SAMSN1: variants seen among roughly 807,000 people sequenced by gnomAD.
SAMSN1 encodes SAM domain-containing protein SAMSN-1.
SAMSN1 carries 31 observed loss-of-function variants against 42.0 expected under a neutral mutation model. The ratio of observed to expected loss-of-function variants is 0.74; its 90% CI spans 0.55 to 1.00. SAMSN1 has a LOEUF of 1.00. Ranked by LOEUF, SAMSN1 falls within the 50% of genes least tolerant of loss-of-function variation. The pLI is 0.00. For synonymous variants in SAMSN1, 178 were observed against 151.9 expected (o/e 1.17, Z -1.26); for missense variants, 464 against 439.4 (o/e 1.06, Z -0.50).
chr21:14,526,386 T>C (rs1209612815), intron 1 of SAMSN1, among the ~76,000 whole-genome samples: 10 of 152,218 alleles, frequency 6.6e-5, no homozygotes, highest in Admixed American at 6.5e-4. Flanking sequence ...TTCCACACAG[T>C]CCACTTGGCT....
intron 2 of SAMSN1, among the ~76,000 whole-genome samples, chr21:14,576,267 A>T (rs1353521017): frequency 6.6e-6 from 1 of 152,114 alleles, no homozygotes; most frequent in Non-Finnish European, 1.5e-5. Flanking sequence ...AAGAAAATTA[A>T]TCTGTTAGAT....
At chr21:14,606,065 C>G (rs147484726) in intron 5 of SAMSN1, among the ~76,000 whole-genome samples, 16 of 152,166 alleles carry the variant, frequency 1.1e-4, no homozygotes, top group African/African-American at 3.9e-4. Context: ...TGGTCTTGAT[C>G]TCCTGACCTC....
chr21:14,510,604 G>A, intron 4 of SAMSN1, 143 bp from the exon 5 acceptor site: 1 of 913,822 alleles, frequency 1.1e-6, no homozygotes, highest in Non-Finnish European at 1.7e-6. Flanking sequence ...CCTGGTGTCT[G>A]TCTTCCAGTT....
At chr21:14,641,990 G>A (rs1983609451) in intron 2 of SAMSN1, among the ~76,000 whole-genome samples, 2 of 152,112 alleles carry the variant, frequency 1.3e-5, no homozygotes, top group African/African-American at 4.8e-5. Flanking sequence ...GTTCTTACAA[G>A]TAAGTAAGCT....
Position 14,594,012 on chromosome 21 carries a change from CCAGTT to C in SAMSN1, c.461_465del (p.Glu154GlyfsTer7), listed in dbSNP as rs1401902384. The stretch of plus-strand genomic sequence containing the variant: ...GTTACATCTGGGAAGAAATGTCTCA[CCAGTT>C]CATCAACAGTGGTCTCAACATGTCT... On this transcript the variant is annotated frameshift_variant and splice_region_variant, in exon 7 of 16. Transcript: ENST00000647101. LOFTEE classifies it high-confidence loss of function. The C allele has an allele frequency of 4.2e-6, 3 of 715,554 alleles. No individual in the cohort carries two copies. The highest frequency in any genetic ancestry group is 1.8e-5 in the African/African-American group (1 of 57,120). The allele number at this position is 715,554 out of a possible 1,614,324, so 44.3% of individuals were successfully genotyped here. A position where few individuals can be genotyped will look rare whatever the true frequency, so the allele number is the denominator to read the frequency against.
intron 5 of SAMSN1, among the ~76,000 whole-genome samples, chr21:14,608,496 C>A (rs1382366640): frequency 6.6e-6 from 1 of 152,126 alleles, no homozygotes; most frequent in Admixed American, 6.5e-5. Flanking sequence ...GAAAGGCAGT[C>A]CAGACAACAG....
intron 2 of SAMSN1, chr21:14,619,643 C>A: frequency 3.2e-6 from 1 of 315,120 alleles, no homozygotes; most frequent in South Asian, 2.8e-5. Flanking sequence ...GATTTATTTC[C>A]TCACCTATCA....
chr21:14,613,801 AAT>A (rs949764033), intron 3 of SAMSN1, among the ~76,000 whole-genome samples: 9 of 151,962 alleles, frequency 5.9e-5, no homozygotes, highest in African/African-American at 1.9e-4. Flanking sequence ...CCAACTTTTA[AAT>A]ATATATATAA....
intron 2 of SAMSN1, among the ~76,000 whole-genome samples, chr21:14,641,026 A>G (rs1194711819): frequency 2.0e-5 from 3 of 152,142 alleles, no homozygotes; most frequent in Non-Finnish European, 4.4e-5. Flanking sequence ...TGAGACATTT[A>G]AAAAAATATC....
intron 2 of SAMSN1, among the ~76,000 whole-genome samples, chr21:14,622,429 G>T (rs1420803367): frequency 6.6e-6 from 1 of 152,226 alleles, no homozygotes; most frequent in Non-Finnish European, 1.5e-5. Flanking sequence ...GTCCTTAAAT[G>T]ACCTGATGGA....
chr21:14,536,225 A>AAAAC (rs1412319500), intron 1 of SAMSN1, among the ~76,000 whole-genome samples: 1 of 152,200 alleles, frequency 6.6e-6, no homozygotes, highest in Non-Finnish European at 1.5e-5. Flanking sequence ...CATTATTGTA[A>AAAAC]AAACAAACAA....
chr21:14,566,745 C>T (rs951639286), intron 2 of SAMSN1, among the ~76,000 whole-genome samples: 1 of 152,046 alleles, frequency 6.6e-6, no homozygotes, highest in African/African-American at 2.4e-5. Flanking sequence ...ACCATGTTGG[C>T]CAGGCTGGTC....
chr21:14,545,345 C>A (rs1980319970), intron 1 of SAMSN1, among the ~76,000 whole-genome samples: 1 of 151,902 alleles, frequency 6.6e-6, no homozygotes, highest in South Asian at 2.1e-4. Flanking sequence ...GACAATAAAT[C>A]AATCCTTAAA....
rs1207100903 is a variant in SAMSN1 at position 14,521,210 on chromosome 21, A to G, written c.69T>C (p.Ser23=). The G allele has an allele frequency of 2.5e-6, 4 of 1,610,642 alleles. No homozygotes were observed. Residue 23 remains serine, a synonymous_variant, in exon 2 of 8, where the codon AGT becomes AGC. Coordinates refer to ENST00000400566, the MANE Select transcript of SAMSN1 (RefSeq NM_022136.5). ...EKHQKPKRSS[S]FGNFDRFRNN... is the part of the protein sequence containing the mutation. ...TCCGAAAACGATCGAAATTCCCAAA[A>G]CTGCTGCTTCGCTATAAAATAGAAA...
chr21:14,524,907 TAA>T (rs1568786812), intron 1 of SAMSN1, among the ~76,000 whole-genome samples: 5 of 152,134 alleles, frequency 3.3e-5, no homozygotes, highest in African/African-American at 1.2e-4. Flanking sequence ...ATAAGGATAC[TAA>T]AAAGAAAAAT....
intron 2 of SAMSN1, among the ~76,000 whole-genome samples, chr21:14,573,193 C>A (rs1023708147): frequency 6.6e-6 from 1 of 152,152 alleles, no homozygotes; most frequent in African/African-American, 2.4e-5. Flanking sequence ...AGATGTCTCT[C>A]TCCAACCAAG....
intron 2 of SAMSN1, among the ~76,000 whole-genome samples, chr21:14,552,064 T>TA (rs1202586675): frequency 2.6e-5 from 4 of 152,078 alleles, no homozygotes; most frequent in Admixed American, 6.6e-5. Flanking sequence ...ATTACATGTG[T>TA]AAAAAAATTT....
At chr21:14,522,023 T>G (rs2123042893) in intron 1 of SAMSN1, among the ~76,000 whole-genome samples, 1 of 152,286 alleles carries the variant, frequency 6.6e-6, no homozygotes, top group Admixed American at 6.5e-5. Context: ...AAAGCAGCAT[T>G]TAGGTATGCA....
chr21:14,564,053 T>C (rs937039445), intron 2 of SAMSN1, among the ~76,000 whole-genome samples: 7 of 152,184 alleles, frequency 4.6e-5, no homozygotes, highest in African/African-American at 1.7e-4. Flanking sequence ...TCCTACTATA[T>C]GTCTAGCATT....
Sources: gnomAD v4.1 joint callset for allele counts (sites outside exome capture counted in the v4.1 genomes callset) on GRCh38, gnomAD v4.1.1 for gene constraint, MANE v1.5 for transcripts, NCBI Gene and HGNC (gene_info 2026-07-23, HGNC 2026-07-21) for gene names.